IDO2: variants seen among roughly 807,000 people sequenced by gnomAD.
IDO2 encodes the protein indoleamine 2,3-dioxygenase-like 1 protein.
IDO2 carries 46 observed loss-of-function variants against 45.1 expected under a neutral mutation model. That is an observed-to-expected ratio of 1.02 (90% confidence interval 0.80 to 1.30). IDO2 has a LOEUF of 1.30. Among genes scored for constraint, IDO2 ranks in the 50% most tolerant of loss-of-function variants. The pLI is 0.00. For missense variants in IDO2, 544 were observed against 491.8 expected (o/e 1.11, Z -1.00); for synonymous variants, 218 against 184.9 (o/e 1.18, Z -1.45).
At chr8:39,948,113 C>G (rs993899740) in intron 1 of IDO2, among the ~76,000 whole-genome samples, 1 of 152,146 alleles carries the variant, frequency 6.6e-6, no homozygotes, top group Non-Finnish European at 1.5e-5. Context: ...CTTTACGGCA[C>G]GGAAGAACAA....
intron 3 of IDO2, among the ~76,000 whole-genome samples, chr8:39,970,247 A>G (rs1047618107): frequency 6.6e-6 from 1 of 152,246 alleles, no homozygotes; most frequent in Non-Finnish European, 1.5e-5. Flanking sequence ...TGGTTCATGA[A>G]GTATGAGGCT....
chr8:39,969,920 G>A (rs868307189), intron 3 of IDO2, among the ~76,000 whole-genome samples: 1 of 152,036 alleles, frequency 6.6e-6, no homozygotes, highest in Non-Finnish European at 1.5e-5. Flanking sequence ...GATTAAGCTT[G>A]GTGAGAAAGT....
chr8:40,009,591 G>GCACCT (rs1802280769), intron 9 of IDO2, among the ~76,000 whole-genome samples: 1 of 152,140 alleles, frequency 6.6e-6, no homozygotes, highest in African/African-American at 2.4e-5. Context: ...GTAGCAGCTT[G>GCACCT]GACCTGAGAA....
At chr8:39,965,038 T>C (rs1473902331) in intron 3 of IDO2, among the ~76,000 whole-genome samples, 1 of 152,222 alleles carries the variant, frequency 6.6e-6, no homozygotes, top group African/African-American at 2.4e-5. Context: ...TCGTCTGCCG[T>C]AGGCATTTAC....
At chr8:40,012,154 T>C (rs1240931192) in intron 9 of IDO2, among the ~76,000 whole-genome samples, 1 of 152,190 alleles carries the variant, frequency 6.6e-6, no homozygotes, top group African/African-American at 2.4e-5. Flanking sequence ...TATATGTGTA[T>C]ATGGTGTGTG....
chr8:39,986,846 G>A (rs1269303992), intron 6 of IDO2: 5 of 133,380 alleles, frequency 3.7e-5, no homozygotes, highest in Middle Eastern at 4.0e-3. Context: ...TCTCATGATA[G>A]TGAGTTCTCA....
rs143103125 is a variant in IDO2 at position 39,984,996 on chromosome 8, A to G, written c.435-512A>G. 410 of 390,052 alleles carry G rather than the reference A, an allele frequency of 1.1e-3. 1 individual carries two copies. The highest frequency in any genetic ancestry group is 7.9e-3 in the African/African-American group (373 of 47,076). 24.2% of individuals were successfully genotyped at this position (390,052 alleles called of 1,614,324 possible). ...TCCCAGGCTGGAGTGCAGTGGCATG[A>G]TCTCGGCTCACTGCAACCTCTGCCT... is the stretch of plus-strand genomic sequence containing the variant. On this transcript the variant is annotated intron_variant, in intron 5 of 10. Transcript: ENST00000502986.
chr8:39,976,929 A>G (rs1431417243), intron 3 of IDO2, among the ~76,000 whole-genome samples: 1 of 152,228 alleles, frequency 6.6e-6, no homozygotes, highest in African/African-American at 2.4e-5. Context: ...AAAGTCATTT[A>G]CAATTCAGAA....
At chr8:39,965,445 C>T (rs2340951) in intron 3 of IDO2, among the ~76,000 whole-genome samples, 29,010 of 152,044 alleles carry the variant, frequency 0.19, 2,776 homozygotes, top group East Asian at 0.27. Flanking sequence ...TGAGATCACA[C>T]CACTGAACTC....
chr8:39,953,307 C>T (rs972874049), intron 2 of IDO2, among the ~76,000 whole-genome samples: 5 of 152,046 alleles, frequency 3.3e-5, no homozygotes, highest in Non-Finnish European at 5.9e-5. Flanking sequence ...TTGTTGTTTC[C>T]GGCTATATAG....
At position 40,011,573 on chromosome 8, in the gene IDO2, T is replaced by C. The variant is rs535996203; in HGVS notation, c.720-1992T>C. Among the ~76,000 whole-genome samples the C allele has an allele frequency of 2.6e-5, 4 of 152,310 alleles. No homozygotes were observed. In the South Asian group the frequency reaches 8.3e-4, roughly 32 times the overall value. ...AGGAAGCAAATACAAATTGGAAATC[T>C]AAGGCTCAGAAAGATTTGTACAAAG... On this transcript the variant is annotated intron_variant, in intron 9 of 10. Transcript: ENST00000502986.
At chr8:40,007,905 G>T (rs1802246374) in intron 9 of IDO2, among the ~76,000 whole-genome samples, 1 of 152,102 alleles carries the variant, frequency 6.6e-6, no homozygotes, top group Non-Finnish European at 1.5e-5. Flanking sequence ...CATTTAGGTT[G>T]TTGTCAGAAT....
chr8:39,983,251 C>T (rs1036695088), intron 5 of IDO2, among the ~76,000 whole-genome samples: 4 of 152,148 alleles, frequency 2.6e-5, no homozygotes, highest in African/African-American at 4.8e-5. Context: ...ATTCCTTTGA[C>T]AGTTGGGCTG....
chr8:39,985,786 C>A, intron 6 of IDO2: 2 of 368,596 alleles, frequency 5.4e-6, no homozygotes, highest in East Asian at 4.6e-5. Flanking sequence ...ATGTGCAATG[C>A]AAACAAAACA....
At chr8:40,003,391 A>T (rs78880212) in intron 8 of IDO2, among the ~76,000 whole-genome samples, 99,937 of 142,822 alleles carry the variant, frequency 0.7, 35,360 homozygotes, top group Middle Eastern at 0.8. Context: ...AAAAAAAAAA[A>T]GAAAACGAGA....
At chr8:39,951,049 A>AAACAG (rs1554544694) in intron 2 of IDO2, among the ~76,000 whole-genome samples, 10 of 151,140 alleles carry the variant, frequency 6.6e-5, no homozygotes, top group Admixed American at 2.6e-4. Flanking sequence ...AAACAAAACA[A>AAACAG]AACAAAACAA....
chr8:39,977,141 A>C (rs2129594297), intron 3 of IDO2, among the ~76,000 whole-genome samples: 1 of 152,344 alleles, frequency 6.6e-6, no homozygotes, highest in South Asian at 2.1e-4. Flanking sequence ...TCCATAATAC[A>C]AAATGTATTC....
intron 1 of IDO2, among the ~76,000 whole-genome samples, chr8:39,942,602 G>T (rs931561078): frequency 6.6e-6 from 1 of 150,562 alleles, no homozygotes; most frequent in Non-Finnish European, 1.5e-5. Context: ...ATCAAGCCAC[G>T]GCACTCCAGC....
At position 39,935,694 on chromosome 8, in the gene IDO2, C is replaced by T. The variant is rs147732096; in HGVS notation, c.-18+476C>T. Among the ~76,000 whole-genome samples the T allele has an allele frequency of 9.2e-5, 14 of 152,288 alleles. No individual in the cohort carries two copies. In the East Asian group the frequency reaches 1.7e-3, roughly 19 times the overall value. ...CAAACTCCTGACCTCAAGTGATCCA[C>T]CTGCTTTGACCTCCCAAAATGCTGG... is the stretch of plus-strand genomic sequence containing the variant. On this transcript the variant is annotated intron_variant, in intron 1 of 10. Transcript: ENST00000502986.
Sources: allele counts gnomAD v4.1 joint callset (sites outside exome capture counted in the v4.1 genomes callset), GRCh38; gene constraint gnomAD v4.1.1; transcripts MANE v1.5; gene names NCBI Gene and HGNC (gene_info 2026-07-23, HGNC 2026-07-21).